GSK3B: variants seen among roughly 807,000 people sequenced by gnomAD.
The protein encoded by GSK3B is glycogen synthase kinase 3 beta, also known as glycogen synthase kinase-3 beta.
GSK3B carries 15 observed loss-of-function variants against 56.4 expected under a neutral mutation model. The ratio of observed to expected loss-of-function variants is 0.27; its 90% confidence interval spans 0.18 to 0.41. GSK3B has a LOEUF of 0.41. Among genes scored for constraint, GSK3B ranks in the 10% least tolerant of loss-of-function variants. The probability of loss-of-function intolerance (pLI) is 1.00; values close to 1 mark genes in which losing one functional copy is unlikely to be tolerated. For synonymous variants in GSK3B, 181 were observed against 188.9 expected (o/e 0.96, Z 0.34); for missense variants, 300 against 513.4 (o/e 0.58, Z 4.02).
intron 8 of GSK3B, among the ~76,000 whole-genome samples, chr3:119,869,840 G>A (rs946349168): frequency 2.0e-5 from 3 of 152,164 alleles, no homozygotes; most frequent in African/African-American, 7.2e-5. Context: ...CTGTATATAT[G>A]TAGATATCAG....
intron 1 of GSK3B, among the ~76,000 whole-genome samples, chr3:120,069,683 A>G (rs2058310555): frequency 1.3e-5 from 2 of 150,808 alleles, no homozygotes; most frequent in Non-Finnish European, 1.5e-5. Context: ...AAAAAAATGC[A>G]GTCTAAAAAT....
chr3:120,028,904 C>G (rs1306503669), intron 1 of GSK3B: 1 of 521,888 alleles, frequency 1.9e-6, no homozygotes, highest in Non-Finnish European at 3.6e-6. Flanking sequence ...AGAAAAGCAC[C>G]CAGGAAGGCT....
At chr3:119,882,517 A>T (rs1310185412) in intron 7 of GSK3B, among the ~76,000 whole-genome samples, 1 of 152,178 alleles carries the variant, frequency 6.6e-6, no homozygotes, top group Non-Finnish European at 1.5e-5. Flanking sequence ...CTATCCACAC[A>T]TCAATCCACC....
chr3:119,977,704 C>G (rs868461162), intron 2 of GSK3B, among the ~76,000 whole-genome samples: 5 of 152,032 alleles, frequency 3.3e-5, no homozygotes, highest in African/African-American at 9.7e-5. Flanking sequence ...ACTTAAATGG[C>G]TATATAAAAT....
intron 2 of GSK3B, among the ~76,000 whole-genome samples, chr3:119,972,560 C>T (rs896344429): frequency 1.3e-5 from 2 of 152,068 alleles, no homozygotes; most frequent in African/African-American, 2.4e-5. Context: ...CTCAGCCTCC[C>T]GAGTAGCTGG....
Position 120,051,559 on chromosome 3 carries a change from G to A in GSK3B, c.88+41788C>T, listed in dbSNP as rs1001951680. ...AGGCGGGTGTATCACCTGAGGTCAGGACTTTGAGACCAGCCTGGCCAACAT... is the reference window on the plus strand; with the variant it reads ...AGGCGGGTGTATCACCTGAGGTCAGAACTTTGAGACCAGCCTGGCCAACAT... On this transcript the variant is annotated intron_variant, in intron 1 of 10. Transcript: ENST00000264235. Among the ~76,000 whole-genome samples, 23 of 152,220 alleles carry A rather than the reference G, an allele frequency of 1.5e-4. 1 individual carries two copies. The highest frequency in any genetic ancestry group is 4.8e-4 in the African/African-American group (20 of 41,542).
At chr3:120,078,604 A>G (rs2058386746) in intron 1 of GSK3B, among the ~76,000 whole-genome samples, 3 of 142,440 alleles carry the variant, frequency 2.1e-5, no homozygotes, top group Admixed American at 7.3e-5. Flanking sequence ...CAGGCTGGAG[A>G]GCAAGTGGCA....
chr3:120,091,427 G>A (rs1220354369), intron 1 of GSK3B, among the ~76,000 whole-genome samples: 5 of 152,106 alleles, frequency 3.3e-5, no homozygotes, highest in Non-Finnish European at 4.4e-5. Flanking sequence ...TTTTACAAGA[G>A]TTACTCCATC....
intron 8 of GSK3B, among the ~76,000 whole-genome samples, chr3:119,868,735 C>T (rs143940602): frequency 6.6e-6 from 1 of 152,268 alleles, no homozygotes; most frequent in Non-Finnish European, 1.5e-5. Flanking sequence ...GTTTTTATTA[C>T]TATAAATGTA....
At chr3:120,018,485 T>C (rs533850480) in intron 1 of GSK3B, among the ~76,000 whole-genome samples, 1 of 152,314 alleles carries the variant, frequency 6.6e-6, no homozygotes, top group East Asian at 1.9e-4. Context: ...GCAATGACTC[T>C]ATAGTATTAA....
chr3:119,995,890 A>T (rs1158762482), intron 2 of GSK3B, among the ~76,000 whole-genome samples: 4 of 152,104 alleles, frequency 2.6e-5, no homozygotes, highest in African/African-American at 9.6e-5. Flanking sequence ...GGCACGTGCC[A>T]CCACACTTTG....
chr3:120,057,966 ATCTC>A lies in GSK3B; in HGVS notation c.88+35377_88+35380del, dbSNP rs552075152. On this transcript the variant is annotated intron_variant, in intron 1 of 10. Transcript: ENST00000264235. ...AAAGGATTAAAAGGGATCAATCAAA[ATCTC>A]TCTCTCCCTATCCCAGCTATATTTT... Among the ~76,000 whole-genome samples the A allele has an allele frequency of 4.6e-5, 7 of 151,746 alleles. No homozygotes were observed. In the South Asian group the frequency reaches 1.5e-3, roughly 32 times the overall value.
At chr3:120,067,946 G>A (rs1197233367) in intron 1 of GSK3B, among the ~76,000 whole-genome samples, 1 of 152,204 alleles carries the variant, frequency 6.6e-6, no homozygotes, top group Non-Finnish European at 1.5e-5. Context: ...ACAGAAATGT[G>A]AATACTGACT....
chr3:119,844,075 T>C (rs2055819098), intron 9 of GSK3B, among the ~76,000 whole-genome samples: 2 of 152,174 alleles, frequency 1.3e-5, no homozygotes, highest in Non-Finnish European at 2.9e-5. Context: ...GAATGACTAC[T>C]GGGTAAATAA....
chr3:119,947,596 G>A (rs565664165), intron 2 of GSK3B, among the ~76,000 whole-genome samples: 1 of 152,198 alleles, frequency 6.6e-6, no homozygotes, highest in South Asian at 2.1e-4. Context: ...TTATAACAAT[G>A]AGAGAATAAA....
intron 2 of GSK3B, among the ~76,000 whole-genome samples, chr3:119,950,540 G>A (rs1225370046): frequency 2.6e-5 from 4 of 152,164 alleles, no homozygotes; most frequent in Non-Finnish European, 5.9e-5. Context: ...TACAAGAATG[G>A]TTTCAGTAGA....
chr3:119,983,843 G>C (rs1473032591), intron 2 of GSK3B, among the ~76,000 whole-genome samples: 1 of 152,146 alleles, frequency 6.6e-6, no homozygotes, highest in Admixed American at 6.5e-5. Context: ...ACTCAGCTCT[G>C]CAACAAGCAG....
intron 1 of GSK3B, among the ~76,000 whole-genome samples, chr3:120,065,941 T>A (rs1460990825): frequency 6.6e-6 from 1 of 152,092 alleles, no homozygotes; most frequent in Non-Finnish European, 1.5e-5. Flanking sequence ...ATGCCAGGTC[T>A]GGGGCAAGGG....
chr3:119,954,970 T>C (rs1272964048), intron 2 of GSK3B, among the ~76,000 whole-genome samples: 5 of 152,176 alleles, frequency 3.3e-5, no homozygotes, highest in African/African-American at 4.8e-5. Flanking sequence ...TTATCATCTT[T>C]TCTTCTTCAT....
Sources: gnomAD v4.1 joint callset for allele counts (sites outside exome capture counted in the v4.1 genomes callset) on GRCh38, gnomAD v4.1.1 for gene constraint, MANE v1.5 for transcripts, NCBI Gene and HGNC (gene_info 2026-07-23, HGNC 2026-07-21) for gene names.